CATSPERT: variants seen among roughly 807,000 people sequenced by gnomAD.
The protein encoded by CATSPERT is catsper channel auxiliary subunit tau.
At chr2:201,528,068 G>GAA in the CATSPERT span, among the ~76,000 whole-genome samples, 66 of 139,056 alleles carry the variant, frequency 4.7e-4, 1 homozygote, top group Non-Finnish European at 8.3e-4. Context: ...AGCAAAAAGC[G>GAA]AAAAAAAAAA....
At chr2:201,487,744 C>T in the CATSPERT span, 1 of 1,614,130 alleles carries the variant, frequency 6.2e-7, no homozygotes, top group South Asian at 1.1e-5. Flanking sequence ...TTTCTCGTTG[C>T]TTGTTAACCT....
the CATSPERT span, chr2:201,552,994 T>C: frequency 6.6e-6 from 1 of 152,216 alleles, no homozygotes; most frequent in Non-Finnish European, 1.5e-5. Context: ...TGTGTAGGTC[T>C]ACTAACTAAT....
chr2:201,594,820 T>C, the CATSPERT span, among the ~76,000 whole-genome samples: 6 of 152,342 alleles, frequency 3.9e-5, no homozygotes, highest in East Asian at 1.2e-3. Flanking sequence ...GCCTTGGTTT[T>C]CAGCTCCATC....
At chr2:201,491,181 T>G in the CATSPERT span, 4 of 1,528,832 alleles carry the variant, frequency 2.6e-6, no homozygotes, top group Middle Eastern at 5.1e-4. Flanking sequence ...GTATAGTTCT[T>G]CTTGCAGTCC....
chr2:201,594,790 A>G, the CATSPERT span, among the ~76,000 whole-genome samples: 1 of 152,012 alleles, frequency 6.6e-6, no homozygotes, highest in African/African-American at 2.4e-5. Flanking sequence ...AGGCTTCTGC[A>G]TTCTTCACGT....
At chr2:201,618,929 G>T in the CATSPERT span, 2 of 1,613,706 alleles carry the variant, frequency 1.2e-6, no homozygotes, top group African/African-American at 2.7e-5. Context: ...GTGCCCTCCT[G>T]GTTCTTGTTC....
the CATSPERT span, among the ~76,000 whole-genome samples, chr2:201,540,004 G>A: frequency 6.6e-6 from 1 of 152,122 alleles, no homozygotes; most frequent in Non-Finnish European, 1.5e-5. Context: ...GCTTATTGCA[G>A]ATATGGAGAA....
the CATSPERT span, among the ~76,000 whole-genome samples, chr2:201,530,960 G>GTTTTTT: frequency 1.2e-5 from 1 of 82,478 alleles, no homozygotes; most frequent in African/African-American, 3.3e-5. Context: ...GTTTTTTGTG[G>GTTTTTT]GTTTTTTTTT....
At chr2:201,600,125 A>T in the CATSPERT span, among the ~76,000 whole-genome samples, 1 of 151,858 alleles carries the variant, frequency 6.6e-6, no homozygotes, top group Non-Finnish European at 1.5e-5. Flanking sequence ...TACTATAAAG[A>T]CACATACACA....
At chr2:201,604,247 C>A in the CATSPERT span, among the ~76,000 whole-genome samples, 1 of 151,774 alleles carries the variant, frequency 6.6e-6, no homozygotes, top group Non-Finnish European at 1.5e-5. Context: ...AATTTTCAGA[C>A]TTTAGCATGA....
chr2:201,571,929 T>C, the CATSPERT span: 2 of 1,610,334 alleles, frequency 1.2e-6, no homozygotes, highest in Non-Finnish European at 1.7e-6. Flanking sequence ...TAACGAGACT[T>C]AAAACACTTA....
At chr2:201,573,045 T>C in the CATSPERT span, among the ~76,000 whole-genome samples, 13 of 152,182 alleles carry the variant, frequency 8.5e-5, no homozygotes, top group Non-Finnish European at 1.6e-4. Flanking sequence ...CTAAGAGGAC[T>C]GCATTTTTGA....
the CATSPERT span, among the ~76,000 whole-genome samples, chr2:201,519,172 A>G: frequency 6.6e-6 from 1 of 152,262 alleles, no homozygotes; most frequent in African/African-American, 2.4e-5. Flanking sequence ...TTCCTGGGGT[A>G]GGAAGAAACT....
chr2:201,618,858 G>GC, the CATSPERT span: 2 of 1,594,402 alleles, frequency 1.3e-6, no homozygotes, highest in Non-Finnish European at 1.7e-6. Context: ...TGCCCTGCTG[G>GC]CCCCGGTCCT....
the CATSPERT span, among the ~76,000 whole-genome samples, chr2:201,509,890 G>A: frequency 6.6e-6 from 1 of 150,688 alleles, no homozygotes; most frequent in East Asian, 1.9e-4. Flanking sequence ...CTCCCCAAAT[G>A]GGGTAACCTT....
the CATSPERT span, chr2:201,545,498 G>A: frequency 8.1e-7 from 1 of 1,235,626 alleles, no homozygotes; most frequent in South Asian, 1.4e-5. Context: ...TAATCACTTT[G>A]ATTTCAATTA....
chr2:201,580,741 C>T, the CATSPERT span, among the ~76,000 whole-genome samples: 1 of 152,132 alleles, frequency 6.6e-6, no homozygotes, highest in Non-Finnish European at 1.5e-5. Context: ...TACTTATTCA[C>T]CAATCAGTAA....
At chr2:201,602,004 C>T in the CATSPERT span, 3 of 679,364 alleles carry the variant, frequency 4.4e-6, no homozygotes, top group Admixed American at 3.7e-5. Flanking sequence ...TAGCATTAAA[C>T]AATAGAAAAA....
chr2:201,529,663 A>G, the CATSPERT span, among the ~76,000 whole-genome samples: 4 of 152,196 alleles, frequency 2.6e-5, no homozygotes, highest in African/African-American at 4.8e-5. Context: ...AGAGGAAAAC[A>G]TAAGGGAAAA....
Sources: allele counts gnomAD v4.1 joint callset (sites outside exome capture counted in the v4.1 genomes callset), GRCh38; gene constraint gnomAD v4.1.1; transcripts MANE v1.5; gene names NCBI Gene and HGNC (gene_info 2026-07-23, HGNC 2026-07-21).